Variants in SMOC1 observed in about 807,000 individuals in gnomAD.
SMOC1 encodes SPARC-related modular calcium-binding protein 1.
SMOC1 carries 22 observed loss-of-function variants against 56.3 expected under a neutral mutation model. That is an observed-to-expected ratio of 0.39 (90% CI 0.28 to 0.56). The LOEUF (loss-of-function observed/expected upper bound fraction) is 0.56. SMOC1 is among the 20% of genes least tolerant of loss of function. SMOC1 has a pLI of 0.61. For missense variants in SMOC1, 509 were observed against 565.4 expected, an observed-to-expected ratio of 0.90 and a Z score of 1.01; for synonymous variants, 193 against 215.0, an observed-to-expected ratio of 0.90 and a Z score of 0.89.
intron 3 of SMOC1, among the ~76,000 whole-genome samples, chr14:69,964,751 C>T (rs1483887329): frequency 6.6e-6 from 1 of 152,138 alleles, no homozygotes; most frequent in African/African-American, 2.4e-5. Flanking sequence ...ATTTGCCTGA[C>T]ACATGTTAAG....
chr14:70,015,752 G>A (rs185838140), intron 10 of SMOC1, among the ~76,000 whole-genome samples: 28 of 152,270 alleles, frequency 1.8e-4, no homozygotes, highest in African/African-American at 6.5e-4. Context: ...AGATAGAGAG[G>A]ACAGCACATC....
chr14:69,919,098 C>T (rs1280815835), intron 1 of SMOC1, among the ~76,000 whole-genome samples: 1 of 152,142 alleles, frequency 6.6e-6, no homozygotes, highest in African/African-American at 2.4e-5. Flanking sequence ...GAAGTTCTGA[C>T]TTAGGGTTAC....
chr14:69,931,959 G>A (rs1012750754), intron 1 of SMOC1, among the ~76,000 whole-genome samples: 4 of 152,236 alleles, frequency 2.6e-5, no homozygotes, highest in Admixed American at 1.3e-4. Flanking sequence ...ATGAGAAGTG[G>A]AGCAGGTGTC....
chr14:69,949,597 G>A (rs1036488322), intron 1 of SMOC1, among the ~76,000 whole-genome samples: 2 of 152,214 alleles, frequency 1.3e-5, no homozygotes, highest in African/African-American at 4.8e-5. Flanking sequence ...GAGAGTCAGG[G>A]AGAACCTCCT....
At chr14:69,896,454 T>C (rs115753703) in intron 1 of SMOC1, among the ~76,000 whole-genome samples, 2,044 of 152,304 alleles carry the variant, frequency 0.013, 42 homozygotes, top group African/African-American at 0.047. Context: ...CACTGGGTAA[T>C]TGAGCTTAAA....
At chr14:69,947,848 A>G (rs1418421302) in intron 1 of SMOC1, among the ~76,000 whole-genome samples, 1 of 152,262 alleles carries the variant, frequency 6.6e-6, no homozygotes, top group Non-Finnish European at 1.5e-5. Flanking sequence ...CAGCACAGAT[A>G]TAGAACATGT....
chr14:69,879,529 C>T lies in SMOC1; in HGVS notation c.-150C>T, dbSNP rs566064266. 5.5e-4 allele frequency: 289 copies of T among 523,714 alleles called. 1 individual carries two copies. The South Asian group carries it at 0.011, about 20-fold the overall frequency. 32.4% of individuals were successfully genotyped at this position (523,714 alleles called of 1,614,324 possible). A position where few individuals can be genotyped will look rare whatever the true frequency, so the allele number is the denominator to read the frequency against. ...CGCGGTTCATGACTGTGTCCCCTGA[C>T]CGCAGCCTCTGCGAGCCCCCGCCGC... On this transcript the variant is annotated 5_prime_UTR_variant, in exon 1 of 12. Transcript: ENST00000361956.
rs1455594723 is a variant in SMOC1, at chr14:70,020,440, T to C, written c.1047-2763T>C. On this transcript the variant is annotated intron_variant, in intron 10 of 11. Transcript: ENST00000361956. ...CTCTTATTTAGGGATTTGAGGGTTG[T>C]TTTGGCAGCCGAAGGAGTTCAGAAG... is the stretch of plus-strand genomic sequence containing the variant. Among the ~76,000 whole-genome samples, 3 of 152,112 alleles carry C rather than the reference T, an allele frequency of 2.0e-5. No homozygotes were observed. The East Asian group carries it at 5.8e-4, about 29-fold the overall frequency.
chr14:69,925,959 G>T (rs549510862), intron 1 of SMOC1, among the ~76,000 whole-genome samples: 2 of 152,074 alleles, frequency 1.3e-5, no homozygotes, highest in South Asian at 2.1e-4. Context: ...AGCTCTTCCT[G>T]CCCCCCACTC....
At chr14:69,928,619 G>C (rs1022063931) in intron 1 of SMOC1, among the ~76,000 whole-genome samples, 8 of 152,006 alleles carry the variant, frequency 5.3e-5, no homozygotes, top group South Asian at 2.1e-4. Context: ...GCTCATTGGG[G>C]GGGGGGTCCC....
At chr14:69,965,399 A>AATAATAATAATCATAATCATAATC (rs1212605422) in intron 3 of SMOC1, among the ~76,000 whole-genome samples, 21 of 150,868 alleles carry the variant, frequency 1.4e-4, no homozygotes, top group African/African-American at 5.1e-4. Flanking sequence ...TAATAATAAT[A>AATAATAATAATCATAATCATAATC]ATAATAAAAA....
intron 3 of SMOC1, among the ~76,000 whole-genome samples, chr14:69,962,689 A>G (rs993794141): frequency 1.3e-4 from 19 of 151,604 alleles, no homozygotes; most frequent in Admixed American, 3.3e-4. Context: ...CGATCCTCCC[A>G]CCTCAGCCTC....
At chr14:69,914,039 G>A (rs1463851158) in intron 1 of SMOC1, among the ~76,000 whole-genome samples, 4 of 152,186 alleles carry the variant, frequency 2.6e-5, no homozygotes, top group African/African-American at 7.2e-5. Flanking sequence ...TCAAAGTATG[G>A]TCACTAGACC....
intron 1 of SMOC1, among the ~76,000 whole-genome samples, chr14:69,892,523 T>A (rs886291858): frequency 6.6e-6 from 1 of 152,152 alleles, no homozygotes; most frequent in African/African-American, 2.4e-5. Context: ...GTCATTAAAT[T>A]TTTTTTTGTT....
intron 3 of SMOC1, among the ~76,000 whole-genome samples, chr14:69,964,790 A>G (rs555060888): frequency 1.8e-4 from 28 of 152,236 alleles, no homozygotes; most frequent in African/African-American, 6.3e-4. Flanking sequence ...AAGCACTGTT[A>G]CATTCCCATT....
At chr14:69,982,697 C>T (rs1024269595) in intron 5 of SMOC1, among the ~76,000 whole-genome samples, 3 of 152,202 alleles carry the variant, frequency 2.0e-5, no homozygotes, top group Admixed American at 6.5e-5. Context: ...AATCTCTTCC[C>T]GACTACCTCT....
intron 11 of SMOC1, among the ~76,000 whole-genome samples, chr14:70,023,922 C>A (rs1885833020): frequency 6.6e-6 from 1 of 151,916 alleles, no homozygotes; most frequent in Admixed American, 6.6e-5. Context: ...GAGAGTGACT[C>A]TGCCATCTTC....
rs558414567 is a variant in SMOC1, at chr14:69,919,150, G to T, written c.100-32988G>T. On this transcript the variant is annotated intron_variant, in intron 1 of 11. Coordinates refer to ENST00000361956, the MANE Select transcript of SMOC1 (RefSeq NM_001034852.3). ...TAGAGTCTTCTTTCCCATGTGGTTG[G>T]TATTTCACATTGGGAATTCCTGTTG... Among the ~76,000 whole-genome samples the T allele has an allele frequency of 2.9e-3, 444 of 152,256 alleles. 3 individuals are homozygous for T. Among genetic ancestry groups the T allele is most frequent in the Middle Eastern group, 0.014 (4 of 294 alleles).
chr14:69,993,227 C>G (rs992507238), intron 6 of SMOC1, among the ~76,000 whole-genome samples: 1 of 152,040 alleles, frequency 6.6e-6, no homozygotes, highest in Non-Finnish European at 1.5e-5. Context: ...AGGAGAAATT[C>G]TAGGTCAAGA....
Sources: allele counts gnomAD v4.1 joint callset (sites outside exome capture counted in the v4.1 genomes callset), GRCh38; gene constraint gnomAD v4.1.1; transcripts MANE v1.5; gene names NCBI Gene and HGNC (gene_info 2026-07-23, HGNC 2026-07-21).